NFATC2IP: variants seen among roughly 807,000 people sequenced by gnomAD.
The protein encoded by NFATC2IP is nuclear factor of activated T cells 2 interacting protein, also known as NFATC2-interacting protein.
In NFATC2IP, 25 loss-of-function variants were observed where a neutral mutation model predicts 40.2. The ratio of observed to expected loss-of-function variants is 0.62; its 90% CI spans 0.45 to 0.87. The LOEUF is 0.87. Ranked by LOEUF, NFATC2IP falls within the 40% of genes least tolerant of loss-of-function variation. The probability of loss-of-function intolerance (pLI) is 0.00; values close to 1 mark genes in which losing one functional copy is unlikely to be tolerated. For missense variants in NFATC2IP, 553 were observed against 555.6 expected, an observed-to-expected ratio of 1.00 and a Z score of 0.05; for synonymous variants, 241 against 236.3, an observed-to-expected ratio of 1.02 and a Z score of -0.18.
intron 2 of NFATC2IP, among the ~76,000 whole-genome samples, chr16:28,954,076 C>T (rs1352032953): frequency 6.6e-6 from 1 of 152,066 alleles, no homozygotes; most frequent in African/African-American, 2.4e-5. Context: ...GAAAGTTTAG[C>T]GGCATCCTGA....
rs1333549257 is a variant in NFATC2IP at position 28,964,222 on chromosome 16, A to C, written c.*359A>C. ...GCACATATTGAAAGTGAGTTGAAACAAATGAGGGTTGGGTAGGAGCTTCCA... is the reference window on the plus strand; with the variant it reads ...GCACATATTGAAAGTGAGTTGAAACCAATGAGGGTTGGGTAGGAGCTTCCA... On this transcript the variant is annotated 3_prime_UTR_variant, in exon 8 of 8. Coordinates refer to ENST00000320805, the MANE Select transcript of NFATC2IP (RefSeq NM_032815.4). The C allele has an allele frequency of 4.7e-6, 1 of 211,256 alleles. No individual in the cohort carries two copies. The highest frequency in any genetic ancestry group is 9.8e-6 in the Non-Finnish European group (1 of 102,254). The allele number at this position is 211,256 out of a possible 1,614,324, so 13.1% of individuals were successfully genotyped here.
chr16:28,956,976 T>C (rs1596729124), intron 5 of NFATC2IP: 2 of 152,220 alleles, frequency 1.3e-5, no homozygotes, highest in East Asian at 3.8e-4. Context: ...AGCCCATGGC[T>C]TTTCCAACAG....
In NFATC2IP at chr16:28,966,444, T is replaced by TAAAAAAA. The variant is rs869184973; in HGVS notation, c.*2596_*2602dup. ...GGCAACACAGCGAGACCTTGTCTCT[T>TAAAAAAA]AAAAAAAAAAAAAAAAAAAAATGAG... On this transcript the variant is annotated 3_prime_UTR_variant, in exon 8 of 8. Coordinates refer to ENST00000320805, the MANE Select transcript of NFATC2IP (RefSeq NM_032815.4). 4.9e-5 allele frequency: 6 copies of TAAAAAAA among 122,096 alleles called. No individual in the cohort carries two copies. The highest frequency in any genetic ancestry group is 1.9e-4 in the African/African-American group (6 of 31,482). The allele number at this position is 122,096 out of a possible 1,614,324, so 7.6% of individuals were successfully genotyped here. A position where few individuals can be genotyped will look rare whatever the true frequency, so the allele number is the denominator to read the frequency against.
intron 1 of NFATC2IP, among the ~76,000 whole-genome samples, chr16:28,951,870 G>A (rs1477402289): frequency 6.6e-6 from 1 of 152,096 alleles, no homozygotes; most frequent in East Asian, 1.9e-4. Context: ...GTCAGGGGTA[G>A]AGGGGCGGCT....
In NFATC2IP at chr16:28,963,847, T is replaced by C. The variant is rs140446911; in HGVS notation, c.1244T>C (p.Ile415Thr). ...ADLGMESGDL[I>T]EVWG The stretch of plus-strand genomic sequence containing the variant: ...CTGGGCATGGAATCTGGGGACCTCA[T>C]TGAGGTCTGGGGCTGACACCCCACT... Residue 415 changes from isoleucine to threonine, a missense_variant, in exon 8 of 8, where the codon ATT (isoleucine) becomes ACT (threonine). Physicochemically the swap from Ile to Thr is moderately conservative, Grantham distance 89. Transcript: ENST00000320805. The C allele has an allele frequency of 3.7e-6, 6 of 1,614,112 alleles. No homozygotes were observed. Among genetic ancestry groups the C allele is most frequent in the East Asian group, 2.2e-5 (1 of 44,894 alleles).
At chr16:28,952,338 C>A in intron 2 of NFATC2IP, 134 bp downstream of exon 2, 1 of 1,351,408 alleles carries the variant, frequency 7.4e-7, no homozygotes, top group Non-Finnish European at 1.0e-6. Flanking sequence ...TCCTGCATCC[C>A]AGCCACAGGA....
Position 28,956,355 on chromosome 16 carries a change from A to T in NFATC2IP, c.846+18A>T, listed in dbSNP as rs1421914536. ...TCAGGATGGTGAGTGCCTGAGGCCC[A>T]TGGGAGAAGGACCCAGGAGCTGCTT... On this transcript the variant is annotated intron_variant, in intron 5 of 7. Coordinates refer to ENST00000320805, the MANE Select transcript of NFATC2IP (RefSeq NM_032815.4). 5 of 1,605,260 alleles carry T rather than the reference A, an allele frequency of 3.1e-6. No homozygotes were observed. Among genetic ancestry groups the T allele is most frequent in the Non-Finnish European group, 4.3e-6 (5 of 1,173,646 alleles).
intron 3 of NFATC2IP, among the ~76,000 whole-genome samples, chr16:28,954,979 A>G (rs1965005387): frequency 6.6e-6 from 1 of 152,014 alleles, no homozygotes; most frequent in South Asian, 2.1e-4. Context: ...TTCTTCATCT[A>G]TAAAACCCCG....
chr16:28,954,336 C>A (rs1596727695), intron 2 of NFATC2IP, among the ~76,000 whole-genome samples: 1 of 152,136 alleles, frequency 6.6e-6, no homozygotes, highest in East Asian at 1.9e-4. Flanking sequence ...GGTTTCCTTT[C>A]ATGAGAAATT....
intron 7 of NFATC2IP, among the ~76,000 whole-genome samples, chr16:28,962,932 C>T (rs1388689796): frequency 6.6e-6 from 1 of 152,168 alleles, no homozygotes; most frequent in Non-Finnish European, 1.5e-5. Flanking sequence ...GCCTGTCATC[C>T]CAGCACTTTG....
chr16:28,963,734 C>T lies in NFATC2IP; in HGVS notation c.1131C>T (p.His377=), dbSNP rs1965113599. Reference sequence around the variant, plus strand: ...CCCCTCTAAAGACCCTCATGTCCCACTATGAGGAGGCCATGGGACTGTCGG... The same window carrying T: ...CCCCTCTAAAGACCCTCATGTCCCATTATGAGGAGGCCATGGGACTGTCGG... ...RDSPLKTLMS[H]YEEAMGLSGR... The change falls in exon 8 of 8, where the codon CAC becomes CAT. Residue 377 remains histidine (H), a synonymous_variant. Transcript: ENST00000320805. 6.2e-7 allele frequency: 1 copy of T among 1,613,920 alleles called. No homozygotes were observed. Among genetic ancestry groups the T allele is most frequent in the African/African-American group, 1.3e-5 (1 of 75,054 alleles).
In NFATC2IP at chr16:28,954,553, C is replaced by G. The variant is rs1383030003; in HGVS notation, c.461-12C>G. 3 of 1,589,868 alleles carry G rather than the reference C, an allele frequency of 1.9e-6. No homozygotes were observed. In the South Asian group the frequency reaches 3.3e-5, roughly 18 times the overall value. ...GATAACCCCCTTCTACCTTCTCTTCCTCTGCCCCCAGAGGCAGAGCTGGCA... is the reference window on the plus strand; with the variant it reads ...GATAACCCCCTTCTACCTTCTCTTCGTCTGCCCCCAGAGGCAGAGCTGGCA... On this transcript the variant is annotated splice_polypyrimidine_tract_variant and intron_variant, in intron 2 of 7. Coordinates refer to ENST00000320805, the MANE Select transcript of NFATC2IP (RefSeq NM_032815.4).
intron 7 of NFATC2IP, among the ~76,000 whole-genome samples, chr16:28,962,749 A>G (rs373279578): frequency 2.0e-5 from 3 of 152,210 alleles, no homozygotes; most frequent in Non-Finnish European, 4.4e-5. Flanking sequence ...GGGTCTCTTC[A>G]TGGAATCTGC....
chr16:28,961,118 A>G (rs1965081094), intron 7 of NFATC2IP, among the ~76,000 whole-genome samples: 1 of 152,064 alleles, frequency 6.6e-6, no homozygotes, highest in Non-Finnish European at 1.5e-5. Context: ...GCTTGAGCTC[A>G]GGAGTTCAAG....
At chr16:28,958,499 C>T in intron 5 of NFATC2IP, 1 of 474,510 alleles carries the variant, frequency 2.1e-6, no homozygotes. Flanking sequence ...CCACCCCTTT[C>T]TTTGTTCTAA....
chr16:28,960,710 C>A (rs1010779228), intron 7 of NFATC2IP, among the ~76,000 whole-genome samples: 4 of 152,084 alleles, frequency 2.6e-5, no homozygotes, highest in Non-Finnish European at 5.9e-5. Context: ...GCTCCCCAGG[C>A]GGCTGAGGCA....
Position 28,956,292 on chromosome 16 carries a change from C to G in NFATC2IP, c.801C>G (p.Leu267=). The change falls in exon 5 of 8, where the codon CTC becomes CTG. Residue 267 remains leucine, a synonymous_variant. Coordinates refer to ENST00000320805, the MANE Select transcript of NFATC2IP (RefSeq NM_032815.4). The stretch of plus-strand genomic sequence containing the variant: ...CAGAGACCCCCCGACTCTTCCCACT[C>G]AAAATCCGTTGCCGGGCTGACCTGG... The part of the protein sequence containing the change: ...TLPETPRLFP[L]KIRCRADLVR... 6.2e-7 allele frequency: 1 copy of G among 1,614,138 alleles called. No individual in the cohort carries two copies. Among genetic ancestry groups the G allele is most frequent in the Non-Finnish European group, 8.5e-7 (1 of 1,180,020 alleles).
chr16:28,959,947 A>G (rs1366169104), intron 7 of NFATC2IP, among the ~76,000 whole-genome samples: 1 of 152,178 alleles, frequency 6.6e-6, no homozygotes, highest in African/African-American at 2.4e-5. Flanking sequence ...CTATTCCTGT[A>G]CACTTCTGGA....
intron 4 of NFATC2IP, 43 bp from the exon 5 acceptor site, chr16:28,956,108 G>A: frequency 1.2e-6 from 2 of 1,613,272 alleles, no homozygotes; most frequent in Non-Finnish European, 8.5e-7. Flanking sequence ...AATCCGGGAG[G>A]GTGGCTGACT....
Sources: gnomAD v4.1 joint callset for allele counts (sites outside exome capture counted in the v4.1 genomes callset) on GRCh38, gnomAD v4.1.1 for gene constraint, MANE v1.5 for transcripts, NCBI Gene and HGNC (gene_info 2026-07-23, HGNC 2026-07-21) for gene names.